Variants in STPG2 observed in about 807,000 individuals in gnomAD.
The protein encoded by STPG2 is sperm-tail PG-rich repeat-containing protein 2.
A neutral mutation model predicts 54.2 loss-of-function variants in STPG2; 56 were observed. The observed-to-expected ratio is 1.03, with a 90% CI of 0.83 to 1.29. The LOEUF is 1.29. STPG2 is among the 50% of genes most tolerant of loss of function. The probability of loss-of-function intolerance (pLI) is 0.00; values close to 1 mark genes in which losing one functional copy is unlikely to be tolerated. For synonymous variants in STPG2, 200 were observed against 181.8 expected, an observed-to-expected ratio of 1.10 and a Z score of -0.81; for missense variants, 596 against 544.9, an observed-to-expected ratio of 1.09 and a Z score of -0.93.
At chr4:97,835,194 G>A (rs1728593993) in intron 9 of STPG2, among the ~76,000 whole-genome samples, 2 of 152,066 alleles carry the variant, frequency 1.3e-5, no homozygotes, top group African/African-American at 4.8e-5. Context: ...CCAAAACCAA[G>A]ATGGTGAAAA....
chr4:97,808,063 A>T (rs1239210176), intron 9 of STPG2, among the ~76,000 whole-genome samples: 2 of 152,050 alleles, frequency 1.3e-5, no homozygotes, highest in African/African-American at 4.8e-5. Context: ...ATGCATTTTT[A>T]AATATTTTAG....
At chr4:97,557,594 T>C (rs578238809), downstream of STPG2, among the ~76,000 whole-genome samples, 94 of 152,178 alleles carry the variant, frequency 6.2e-4, no homozygotes, top group African/African-American at 2.2e-3. Context: ...GAATGGGATG[T>C]AAAACATACC....
intron 10 of STPG2, among the ~76,000 whole-genome samples, chr4:97,648,435 C>T (rs981095037): frequency 6.6e-6 from 1 of 152,138 alleles, no homozygotes; most frequent in Non-Finnish European, 1.5e-5. Context: ...AGAAAGAAAT[C>T]TTTTCCTGTC....
At chr4:98,115,976 A>G (rs1233803434) in intron 3 of STPG2, among the ~76,000 whole-genome samples, 2 of 129,130 alleles carry the variant, frequency 1.5e-5, no homozygotes, top group East Asian at 2.1e-4. Flanking sequence ...CTACGTTTTT[A>G]TATGTTTTTA....
rs144651762 is a variant in STPG2, at chr4:97,831,019, G to A, written c.1204+9754C>T. On this transcript the variant is annotated intron_variant, in intron 9 of 10. Transcript: ENST00000295268. Reference sequence around the variant, plus strand: ...ACTTGAATTCAGCTCTGGACCAAGTGGACCTAAAAGACATTTACAGAACTG... The same window carrying A: ...ACTTGAATTCAGCTCTGGACCAAGTAGACCTAAAAGACATTTACAGAACTG... Among the ~76,000 whole-genome samples, 666 of 152,132 alleles carry A rather than the reference G, an allele frequency of 4.4e-3. 3 individuals are homozygous for A. The highest frequency in any genetic ancestry group is 0.024 in the South Asian group (117 of 4,818).
intron 4 of STPG2, among the ~76,000 whole-genome samples, chr4:98,108,043 C>A (rs1739236894): frequency 6.6e-6 from 1 of 151,988 alleles, no homozygotes; most frequent in South Asian, 2.1e-4. Context: ...AAAAAGTGAA[C>A]AGCATAATGG....
At chr4:97,464,549 T>A (rs1729744310) in intron 4 of STPG2, among the ~76,000 whole-genome samples, 1 of 152,136 alleles carries the variant, frequency 6.6e-6, no homozygotes, top group African/African-American at 2.4e-5. Context: ...CCCAAGTAGC[T>A]GGAATTACAG....
chr4:97,721,796 T>G (rs1472864307), intron 9 of STPG2, among the ~76,000 whole-genome samples: 3 of 152,046 alleles, frequency 2.0e-5, no homozygotes, highest in African/African-American at 7.2e-5. Flanking sequence ...ATGGTACACA[T>G]CAGAAACTGT....
chr4:97,878,643 G>A (rs1730263495), intron 8 of STPG2, among the ~76,000 whole-genome samples: 1 of 152,150 alleles, frequency 6.6e-6, no homozygotes, highest in Non-Finnish European at 1.5e-5. Flanking sequence ...GAGGTCCCTG[G>A]GTCAGGCCCA....
intron 4 of STPG2, among the ~76,000 whole-genome samples, chr4:97,442,140 A>T (rs1486715019): frequency 6.6e-6 from 1 of 152,028 alleles, no homozygotes. Flanking sequence ...AGTTGAAGAA[A>T]ATGTGGCTTG....
At chr4:97,803,787 C>T (rs190130408) in intron 9 of STPG2, among the ~76,000 whole-genome samples, 2 of 152,252 alleles carry the variant, frequency 1.3e-5, no homozygotes, top group East Asian at 1.9e-4. Flanking sequence ...ATGATCTGCC[C>T]GCCTAGGCCT....
intron 10 of STPG2, among the ~76,000 whole-genome samples, chr4:97,564,947 G>T (rs879309764): frequency 3.3e-5 from 5 of 152,068 alleles, no homozygotes; most frequent in Non-Finnish European, 7.4e-5. Context: ...TCTTTGTGGC[G>T]TTCTCTGTAT....
intron 10 of STPG2, among the ~76,000 whole-genome samples, chr4:97,561,359 A>C (rs150516657): frequency 0.011 from 1,741 of 152,236 alleles, 36 homozygotes; most frequent in African/African-American, 0.04. Flanking sequence ...CCTTTGTCAG[A>C]TAAGTAGTTT....
At chr4:97,560,033 T>A (rs976838308) in intron 10 of STPG2, among the ~76,000 whole-genome samples, 1 of 152,172 alleles carries the variant, frequency 6.6e-6, no homozygotes, top group Admixed American at 6.5e-5. Flanking sequence ...GGTGATCATA[T>A]TTAAACAGTG....
At chr4:97,816,969 T>C (rs1727937429) in intron 9 of STPG2, among the ~76,000 whole-genome samples, 1 of 147,574 alleles carries the variant, frequency 6.8e-6, no homozygotes. Flanking sequence ...ATATTATATA[T>C]TTTATATATT....
chr4:97,777,142 G>A (rs10461174), intron 9 of STPG2, among the ~76,000 whole-genome samples: 37,232 of 152,002 alleles, frequency 0.24, 5,325 homozygotes, highest in Middle Eastern at 0.36. Flanking sequence ...AATGCACTTC[G>A]TACTGAAAAA....
At chr4:97,568,206 A>G (rs1394335826) in intron 10 of STPG2, among the ~76,000 whole-genome samples, 1 of 152,182 alleles carries the variant, frequency 6.6e-6, no homozygotes, top group Non-Finnish European at 1.5e-5. Context: ...ACATAAACAA[A>G]TTTTGAACTC....
intron 4 of STPG2, among the ~76,000 whole-genome samples, chr4:97,483,506 T>C (rs1031636767): frequency 5.3e-5 from 8 of 151,710 alleles, no homozygotes; most frequent in Admixed American, 5.3e-4. Flanking sequence ...AAAAAGGCCT[T>C]GTCTAACAGG....
At chr4:98,107,771 G>C (rs1739228643) in intron 4 of STPG2, among the ~76,000 whole-genome samples, 1 of 126,630 alleles carries the variant, frequency 7.9e-6, no homozygotes, top group Non-Finnish European at 1.8e-5. Flanking sequence ...AGGGGAAAGA[G>C]AGACGGTGAG....
Sources: allele counts gnomAD v4.1 joint callset (sites outside exome capture counted in the v4.1 genomes callset), GRCh38; gene constraint gnomAD v4.1.1; transcripts MANE v1.5; gene names NCBI Gene and HGNC (gene_info 2026-07-23, HGNC 2026-07-21).